Variants in NAALADL2 observed in about 807,000 individuals in gnomAD.
NAALADL2 encodes the protein N-acetylated alpha-linked acidic dipeptidase like 2.
NAALADL2 carries 76 observed loss-of-function variants against 87.2 expected under a neutral mutation model. That is an observed-to-expected ratio of 0.87 (90% CI 0.72 to 1.05). NAALADL2 has a LOEUF of 1.05. Among genes scored for constraint, NAALADL2 ranks in the 50% least tolerant of loss-of-function variants. The pLI is 0.00. For synonymous variants in NAALADL2, 354 were observed against 331.0 expected (o/e 1.07, Z -0.75); for missense variants, 1,089 against 945.8 (o/e 1.15, Z -1.99).
intron 1 of NAALADL2, among the ~76,000 whole-genome samples, chr3:174,951,460 A>T (rs1465755918): frequency 6.6e-6 from 1 of 152,118 alleles, no homozygotes; most frequent in Non-Finnish European, 1.5e-5. Context: ...TATTATCTCC[A>T]AAGTATAGAG....
chr3:175,796,857 A>T (rs932358694), intron 13 of NAALADL2, among the ~76,000 whole-genome samples: 3 of 152,176 alleles, frequency 2.0e-5, no homozygotes, highest in African/African-American at 7.2e-5. Context: ...TTTGAAAAAG[A>T]GTCATTATTT....
chr3:175,066,642 A>G (rs1714590545), intron 1 of NAALADL2, among the ~76,000 whole-genome samples: 2 of 152,122 alleles, frequency 1.3e-5, no homozygotes, highest in Admixed American at 1.3e-4. Context: ...CTTTTCCTGG[A>G]AGATATTGTT....
chr3:175,593,335 T>G (rs76255183), intron 10 of NAALADL2, among the ~76,000 whole-genome samples: 6,621 of 152,232 alleles, frequency 0.043, 477 homozygotes, highest in African/African-American at 0.15. Context: ...GTGGTTTATG[T>G]TTTCTTTTCT....
rs369439227 is a variant in NAALADL2 at position 174,720,497 on chromosome 3, CT to C, written c.-114-17141del. The stretch of plus-strand genomic sequence containing the variant: ...AAACAAAAATATTGATGGAAAAGTA[CT>C]TTGTTATAATTTAGACAACTGTTAG... On this transcript the variant is annotated intron_variant, in intron 2 of 3. Coordinates refer to the NAALADL2 transcript ENST00000434257. 5.8e-3 allele frequency among the ~76,000 whole-genome samples: 881 copies of C among 151,902 alleles called. 7 individuals carry two copies. The highest frequency in any genetic ancestry group is 0.013 in the African/African-American group (540 of 41,408).
chr3:175,125,557 A>G (rs1041156885), intron 2 of NAALADL2, among the ~76,000 whole-genome samples: 1 of 152,098 alleles, frequency 6.6e-6, no homozygotes, highest in Non-Finnish European at 1.5e-5. Flanking sequence ...TTGATTGATT[A>G]CATATGGAAT....
intron 9 of NAALADL2, among the ~76,000 whole-genome samples, chr3:175,553,399 T>C (rs1304863261): frequency 1.3e-5 from 2 of 152,134 alleles, no homozygotes; most frequent in Non-Finnish European, 2.9e-5. Context: ...TTAGGATGCT[T>C]TTTCTTCTCC....
At chr3:175,185,918 A>G (rs1199446734) in intron 2 of NAALADL2, among the ~76,000 whole-genome samples, 1 of 151,898 alleles carries the variant, frequency 6.6e-6, no homozygotes, top group Non-Finnish European at 1.5e-5. Flanking sequence ...ATATTTTCAC[A>G]TACTTATTGC....
At chr3:175,661,711 GT>G (rs1732281532) in intron 11 of NAALADL2, among the ~76,000 whole-genome samples, 1 of 151,920 alleles carries the variant, frequency 6.6e-6, no homozygotes, top group African/African-American at 2.4e-5. Context: ...TTCTGCATGT[GT>G]TTATCTAGTT....
chr3:174,672,539 T>G (rs1726660033), intron 2 of NAALADL2, among the ~76,000 whole-genome samples: 1 of 152,034 alleles, frequency 6.6e-6, no homozygotes, highest in African/African-American at 2.4e-5. Context: ...ATCATATCTA[T>G]ATGATGATCA....
intron 3 of NAALADL2, among the ~76,000 whole-genome samples, chr3:174,739,899 G>A (rs1560185388): frequency 6.6e-6 from 1 of 151,990 alleles, no homozygotes; most frequent in Non-Finnish European, 1.5e-5. Flanking sequence ...TCCAAAGATT[G>A]CACACACTGT....
intron 5 of NAALADL2, among the ~76,000 whole-genome samples, chr3:175,392,455 C>G (rs890037002): frequency 1.3e-5 from 2 of 152,126 alleles, no homozygotes; most frequent in Non-Finnish European, 2.9e-5. Context: ...AATATGAAAT[C>G]ATAGCTCTTC....
intron 2 of NAALADL2, among the ~76,000 whole-genome samples, chr3:174,597,464 C>T (rs1233483013): frequency 2.0e-5 from 3 of 152,176 alleles, no homozygotes; most frequent in African/African-American, 7.2e-5. Context: ...ATCTATGTTC[C>T]TAGACGTCAG....
upstream of NAALADL2, among the ~76,000 whole-genome samples, chr3:174,857,280 C>A (rs1358932327): frequency 3.3e-5 from 5 of 152,262 alleles, no homozygotes; most frequent in Non-Finnish European, 5.9e-5. Context: ...TATGTGTGCA[C>A]ATGGCACTTT....
chr3:175,594,541 T>G (rs1721987279), intron 10 of NAALADL2, among the ~76,000 whole-genome samples: 1 of 152,182 alleles, frequency 6.6e-6, no homozygotes. Context: ...ATGGGATTTC[T>G]GGGTCAAATG....
chr3:175,695,768 G>A (rs1737708795), intron 11 of NAALADL2, among the ~76,000 whole-genome samples: 1 of 151,982 alleles, frequency 6.6e-6, no homozygotes, highest in Non-Finnish European at 1.5e-5. Context: ...TATCCTCTGA[G>A]GAATAAACAA....
Position 175,807,349 on chromosome 3 carries a change from G to A in NAALADL2, c.*4146G>A, listed in dbSNP as rs181706138. On this transcript the variant is annotated 3_prime_UTR_variant, in exon 14 of 14. Transcript: ENST00000454872. The stretch of plus-strand genomic sequence containing the variant: ...AAAAATAAAATAAATGATTATTTGT[G>A]ACCATGTTACTAATGATGAATCAGC... 1 of 152,016 alleles carries A rather than the reference G, an allele frequency of 6.6e-6. No homozygotes were observed. The highest frequency in any genetic ancestry group is 2.4e-5 in the African/African-American group (1 of 41,528). 9.4% of individuals were successfully genotyped at this position (152,016 alleles called of 1,614,324 possible). A position where few individuals can be genotyped will look rare whatever the true frequency, so the allele number is the denominator to read the frequency against.
chr3:175,431,381 T>G (rs1236770443), intron 5 of NAALADL2, among the ~76,000 whole-genome samples: 1 of 152,098 alleles, frequency 6.6e-6, no homozygotes, highest in African/African-American at 2.4e-5. Context: ...TTTGTTTGTT[T>G]GTTTAGTTCT....
chr3:175,216,869 A>G (rs780811908), intron 2 of NAALADL2, among the ~76,000 whole-genome samples: 2 of 151,872 alleles, frequency 1.3e-5, no homozygotes, highest in Non-Finnish European at 2.9e-5. Context: ...GTGTTAAACC[A>G]TGTTGGCCAG....
At chr3:174,449,050 CAGAT>C (rs1299897962) in intron 1 of NAALADL2, among the ~76,000 whole-genome samples, 1 of 152,140 alleles carries the variant, frequency 6.6e-6, no homozygotes, top group African/African-American at 2.4e-5. Context: ...GTTGTTATAA[CAGAT>C]AGTGTCATCT....
Sources: gnomAD v4.1 joint callset for allele counts (sites outside exome capture counted in the v4.1 genomes callset) on GRCh38, gnomAD v4.1.1 for gene constraint, MANE v1.5 for transcripts, NCBI Gene and HGNC (gene_info 2026-07-23, HGNC 2026-07-21) for gene names.